Variants in CBLB observed in about 807,000 individuals in gnomAD.
The protein encoded by CBLB is Cbl proto-oncogene B, also known as E3 ubiquitin-protein ligase CBL-B.
In CBLB, 31 loss-of-function variants were observed where a neutral mutation model predicts 104.9. That is an observed-to-expected ratio of 0.30 (90% confidence interval 0.22 to 0.40). The LOEUF (loss-of-function observed/expected upper bound fraction) is 0.40, where lower values mean the gene tolerates loss of function less well. Among genes scored for constraint, CBLB ranks in the 10% least tolerant of loss-of-function variants. The probability of loss-of-function intolerance (pLI) is 1.00; values close to 1 mark genes in which losing one functional copy is unlikely to be tolerated. For missense variants in CBLB, 1,062 were observed against 1,214.6 expected, an observed-to-expected ratio of 0.87 and a Z score of 1.87; for synonymous variants, 440 against 422.6, an observed-to-expected ratio of 1.04 and a Z score of -0.51.
Position 105,658,505 on chromosome 3 carries a change from T to C in CBLB, c.*465A>G, listed in dbSNP as rs1269165993. The C allele has an allele frequency of 2.5e-5, 6 of 242,132 alleles. No individual in the cohort carries two copies. The highest frequency in any genetic ancestry group is 2.8e-4 in the South Asian group (2 of 7,196). 15.0% of individuals were successfully genotyped at this position (242,132 alleles called of 1,614,324 possible). On this transcript the variant is annotated 3_prime_UTR_variant, in exon 19 of 19. Transcript: ENST00000394030. ...AAGGCATGGGGATGGTAGAGATCCA[T>C]ATGAATAAATGATTTAGCTGTTGAT...
intron 6 of CBLB, among the ~76,000 whole-genome samples, chr3:105,744,504 G>A (rs572613162): frequency 6.6e-6 from 1 of 152,208 alleles, no homozygotes; most frequent in Admixed American, 6.5e-5. Flanking sequence ...AGATTTCAGT[G>A]GAAGCCAAAC....
At position 105,659,181 on chromosome 3, in the gene CBLB, G is replaced by C. The variant is rs762514229; in HGVS notation, c.2738C>G (p.Thr913Ser). The change falls in exon 19 of 19, where the codon ACT becomes AGT. Residue 913 changes from threonine (T) to serine (S), a missense_variant. This residue lies in a region of CBLB where 605 missense variants were observed against 582.6 expected (regional missense o/e 1.04). Transcript: ENST00000394030. ...ARPPKPRPRR[T>S]APEIHHRKPH... is the part of the protein sequence containing the mutation. ...TTTTCTGTGGTGAATTTCTGGTGCA[G>C]TCCTGCGCGGTCGTGGTTTAGGGGG... 6.2e-7 allele frequency: 1 copy of C among 1,613,962 alleles called. No homozygotes were observed. The highest frequency in any genetic ancestry group is 8.5e-7 in the Non-Finnish European group (1 of 1,179,904).
rs534606592 is a variant in CBLB, at chr3:105,869,010, G to A, written c.-289C>T. On this transcript the variant is annotated 5_prime_UTR_variant, in exon 1 of 19. Transcript: ENST00000394030. Reference sequence around the variant, plus strand: ...AGCAGGAGGAGGAGACCGCTCGCTGGACACCCCACCCCTGTGGCACACACA... The same window carrying A: ...AGCAGGAGGAGGAGACCGCTCGCTGAACACCCCACCCCTGTGGCACACACA... 3 of 1,053,080 alleles carry A rather than the reference G, an allele frequency of 2.8e-6. No homozygotes were observed. The highest frequency in any genetic ancestry group is 2.7e-5 in the South Asian group (1 of 37,466). 65.2% of individuals were successfully genotyped at this position (1,053,080 alleles called of 1,614,324 possible). A position where few individuals can be genotyped will look rare whatever the true frequency, so the allele number is the denominator to read the frequency against.
At chr3:105,673,627 T>C (rs190661112) in intron 17 of CBLB, 1 of 152,210 alleles carries the variant, frequency 6.6e-6, no homozygotes, top group East Asian at 1.9e-4. Flanking sequence ...GCTGCCCTCA[T>C]GCTTTAGCTC....
At chr3:105,854,759 A>G (rs1246795698) in intron 2 of CBLB, among the ~76,000 whole-genome samples, 1 of 151,906 alleles carries the variant, frequency 6.6e-6, no homozygotes, top group Non-Finnish European at 1.5e-5. Flanking sequence ...CAGCCTCCCA[A>G]GTAGCTGGGA....
chr3:105,764,612 G>T (rs1576996170), intron 4 of CBLB, among the ~76,000 whole-genome samples: 1 of 152,202 alleles, frequency 6.6e-6, no homozygotes, highest in East Asian at 1.9e-4. Context: ...AGGCCAAATA[G>T]TAACCCTAAA....
rs187080206 is a variant in CBLB, at chr3:105,791,912, A to C, written c.420-15370T>G. ...TTCCATAATATTTTATATATGCCAC[A>C]AGGAATAATACAATATCTTGTTTAC... On this transcript the variant is annotated intron_variant, in intron 3 of 18. Coordinates refer to ENST00000394030, the MANE Select transcript of CBLB (RefSeq NM_170662.5). 4.6e-5 allele frequency among the ~76,000 whole-genome samples: 7 copies of C among 152,324 alleles called. No homozygotes were observed. In the East Asian group the frequency reaches 1.4e-3, roughly 29 times the overall value.
At chr3:105,789,748 A>G (rs2081424318) in intron 3 of CBLB, among the ~76,000 whole-genome samples, 1 of 152,300 alleles carries the variant, frequency 6.6e-6, no homozygotes, top group East Asian at 1.9e-4. Context: ...TCTGAAGACA[A>G]TTTAACATAA....
chr3:105,728,558 G>A (rs2073952406), intron 9 of CBLB, among the ~76,000 whole-genome samples: 1 of 152,118 alleles, frequency 6.6e-6, no homozygotes, highest in South Asian at 2.1e-4. Flanking sequence ...CCTCACAAAG[G>A]AAGATGTGCA....
intron 9 of CBLB, among the ~76,000 whole-genome samples, chr3:105,724,791 T>C (rs1247592518): frequency 1.3e-5 from 2 of 152,252 alleles, no homozygotes; most frequent in East Asian, 1.9e-4. Flanking sequence ...TAACTAAAAT[T>C]CCAGGCACTG....
At chr3:105,702,498 A>AAAAAC in intron 11 of CBLB, 39 bp from the exon 12 acceptor site, 1 of 1,460,088 alleles carries the variant, frequency 6.8e-7, no homozygotes, top group Non-Finnish European at 9.1e-7. Context: ...AAAAAAAAAA[A>AAAAAC]ACTAAAGGTT....
chr3:105,751,468 C>T lies in CBLB; in HGVS notation c.717G>A (p.Leu239=). 1.9e-6 allele frequency: 3 copies of T among 1,607,364 alleles called. No homozygotes were observed. Among genetic ancestry groups the T allele is most frequent in the Non-Finnish European group, 2.6e-6 (3 of 1,174,284 alleles). ...TAAGCAAGTATAAACTTACCTGAAA[C>T]AGCCTGGTAAAAATATCAAATTCAA... ...SVFEFDIFTR[L]FQPWGSILRN... is the part of the protein sequence containing the mutation. The change falls in exon 5 of 19, where the codon CTG becomes CTA. Residue 239 remains leucine (L), a synonymous_variant. Transcript: ENST00000394030.
At chr3:105,867,627 T>C (rs759357399) in intron 1 of CBLB, 36 bp from the exon 2 acceptor site, 1 of 1,595,276 alleles carries the variant, frequency 6.3e-7, no homozygotes, top group Admixed American at 1.7e-5. Flanking sequence ...AAAAGTTAGT[T>C]GGTTTTGAAA....
At chr3:105,711,569 T>G (rs1212927465) in intron 10 of CBLB, among the ~76,000 whole-genome samples, 2 of 151,996 alleles carry the variant, frequency 1.3e-5, no homozygotes, top group African/African-American at 2.4e-5. Context: ...TATTTTAGAG[T>G]ACCTCCACAG....
At chr3:105,780,726 G>A (rs139038546) in intron 3 of CBLB, among the ~76,000 whole-genome samples, 2,056 of 141,410 alleles carry the variant, frequency 0.015, 55 homozygotes, top group African/African-American at 0.052. Flanking sequence ...GCGGTGGCGC[G>A]ATCTCGGCTC....
At chr3:105,784,812 T>G (rs1348037473) in intron 3 of CBLB, among the ~76,000 whole-genome samples, 1 of 152,184 alleles carries the variant, frequency 6.6e-6, no homozygotes, top group African/African-American at 2.4e-5. Flanking sequence ...AGTTAGAAAC[T>G]CCTCAAGTAT....
In CBLB at chr3:105,859,787, C is replaced by G. The variant is rs370445357; in HGVS notation, c.169-6123G>C. 3.3e-5 allele frequency among the ~76,000 whole-genome samples: 5 copies of G among 151,570 alleles called. No homozygotes were observed. The East Asian group carries it at 5.8e-4, about 18-fold the overall frequency. On this transcript the variant is annotated intron_variant, in intron 2 of 18. Transcript: ENST00000394030. ...TTATAATAACAGGTACCGAAGAGTT[C>G]TTTGGGTTCTTTCCATTTTAATGCA...
At chr3:105,819,271 G>A (rs565174013) in intron 3 of CBLB, among the ~76,000 whole-genome samples, 12 of 152,304 alleles carry the variant, frequency 7.9e-5, no homozygotes, top group African/African-American at 2.2e-4. Flanking sequence ...TGGATCCCCT[G>A]AGGCAAGGAG....
intron 3 of CBLB, among the ~76,000 whole-genome samples, chr3:105,796,673 T>C (rs1241308165): frequency 6.6e-6 from 1 of 152,146 alleles, no homozygotes; most frequent in African/African-American, 2.4e-5. Context: ...GAGAAAATAT[T>C]TGCAAACTAC....
Sources: gnomAD v4.1 joint callset for allele counts (sites outside exome capture counted in the v4.1 genomes callset) on GRCh38, gnomAD v4.1.1 for gene constraint, gnomAD v4.1.1 regional missense constraint, MANE v1.5 for transcripts, NCBI Gene and HGNC (gene_info 2026-07-23, HGNC 2026-07-21) for gene names.